Variants in FANCC observed in about 807,000 individuals in gnomAD.
The protein encoded by FANCC is FA complementation group C.
Under a neutral mutation model 71.3 loss-of-function variants are expected in FANCC, and 55 were observed. That is an observed-to-expected ratio of 0.77 (90% confidence interval 0.62 to 0.97). FANCC has a LOEUF of 0.97. Among genes scored for constraint, FANCC ranks in the 50% least tolerant of loss-of-function variants. The pLI is 0.00. For missense variants in FANCC, 678 were observed against 670.9 expected (o/e 1.01, Z -0.12); for synonymous variants, 275 against 244.9 (o/e 1.12, Z -1.15).
At chr9:95,135,894 T>C (rs1015623660) in intron 7 of FANCC, among the ~76,000 whole-genome samples, 2 of 152,188 alleles carry the variant, frequency 1.3e-5, no homozygotes, top group Non-Finnish European at 2.9e-5. Context: ...GATGCGGACC[T>C]GGGTTTCGGT....
At chr9:95,142,670 A>G (rs922139682) in intron 7 of FANCC, 6 of 152,210 alleles carry the variant, frequency 3.9e-5, no homozygotes, top group Admixed American at 1.3e-4. Context: ...TTATCCCACT[A>G]TACTTATAAA....
At chr9:95,173,640 G>C (rs538214181) in intron 4 of FANCC, among the ~76,000 whole-genome samples, 7 of 152,306 alleles carry the variant, frequency 4.6e-5, no homozygotes, top group African/African-American at 1.7e-4. Flanking sequence ...AAGGGGCCAG[G>C]CACGGTGGCT....
chr9:95,284,365 C>T (rs575327812), intron 1 of FANCC, among the ~76,000 whole-genome samples: 194 of 152,268 alleles, frequency 1.3e-3, no homozygotes, highest in African/African-American at 4.5e-3. Context: ...ATGGATAAGA[C>T]AGTTTGGTCG....
At chr9:95,201,815 T>A (rs997708646) in intron 4 of FANCC, among the ~76,000 whole-genome samples, 5 of 152,230 alleles carry the variant, frequency 3.3e-5, no homozygotes. Context: ...GCCACCTACT[T>A]AGATAGCTGT....
At chr9:95,221,877 T>C (rs748408079) in intron 4 of FANCC, among the ~76,000 whole-genome samples, 54 of 152,138 alleles carry the variant, frequency 3.5e-4, no homozygotes, top group African/African-American at 5.3e-4. Context: ...TTGGTGAACA[T>C]GTACAGCTAC....
chr9:95,181,642 A>G (rs1826374537), intron 4 of FANCC, among the ~76,000 whole-genome samples: 1 of 152,222 alleles, frequency 6.6e-6, no homozygotes, highest in South Asian at 2.1e-4. Context: ...GTATTTAAGA[A>G]AAGGATGTGG....
chr9:95,168,429 T>G (rs1449413323), intron 6 of FANCC, among the ~76,000 whole-genome samples: 1 of 152,254 alleles, frequency 6.6e-6, no homozygotes, highest in Non-Finnish European at 1.5e-5. Context: ...GTAGTCTTCC[T>G]TTATCTGCAG....
At position 95,225,195 on chromosome 9, in the gene FANCC, G is replaced by C. The variant is rs567628929; in HGVS notation, c.345+15454C>G. 4.1e-4 allele frequency among the ~76,000 whole-genome samples: 62 copies of C among 152,278 alleles called. 1 individual carries two copies. The South Asian group carries it at 0.013, about 32-fold the overall frequency. ...CACTGAACTTCAAAACAGATGTAGC[G>C]ATCAGGCAGCCACGTGTAGTGCAGA... On this transcript the variant is annotated intron_variant, in intron 4 of 14. Transcript: ENST00000289081.
intron 1 of FANCC, among the ~76,000 whole-genome samples, chr9:95,284,524 G>A (rs1327527957): frequency 6.6e-6 from 1 of 152,142 alleles, no homozygotes; most frequent in Non-Finnish European, 1.5e-5. Flanking sequence ...TTGAGAGCAA[G>A]ACTCAAATTT....
chr9:95,303,614 T>C (rs901901102), intron 1 of FANCC, among the ~76,000 whole-genome samples: 1 of 152,240 alleles, frequency 6.6e-6, no homozygotes, highest in African/African-American at 2.4e-5. Flanking sequence ...CTGGCTTGTA[T>C]GTAGGCAGCC....
chr9:95,244,848 T>C (rs1830863815), intron 3 of FANCC, among the ~76,000 whole-genome samples: 1 of 152,018 alleles, frequency 6.6e-6, no homozygotes, highest in African/African-American at 2.4e-5. Flanking sequence ...AGGTGGACTT[T>C]AAAGTCACAT....
At chr9:95,148,278 T>C (rs931596696) in intron 7 of FANCC, among the ~76,000 whole-genome samples, 2 of 152,178 alleles carry the variant, frequency 1.3e-5, no homozygotes, top group Non-Finnish European at 2.9e-5. Context: ...AAAAAGACGG[T>C]TGCCTGGAGA....
chr9:95,109,535 C>T (rs948890631), intron 13 of FANCC: 6 of 151,196 alleles, frequency 4.0e-5, no homozygotes, highest in African/African-American at 1.2e-4. Flanking sequence ...TTGTTGTGAT[C>T]TGATTCAGTT....
intron 14 of FANCC, 73 bp from the exon 15 acceptor site, chr9:95,101,923 C>G: frequency 6.5e-7 from 1 of 1,546,014 alleles, no homozygotes; most frequent in South Asian, 1.1e-5. Context: ...CAGGGACGGA[C>G]CATAACCACC....
At position 95,117,705 on chromosome 9, in the gene FANCC, G is replaced by A. The variant is rs118086816; in HGVS notation, c.997-315C>T. On this transcript the variant is annotated intron_variant, in intron 10 of 14. Coordinates refer to ENST00000289081, the MANE Select transcript of FANCC (RefSeq NM_000136.3). ...GAAAGACTTGCCAAAGCCGTTGTGA[G>A]ATGTTAGGTATTTCAGCATTTTTTT... 2.6e-3 allele frequency among the ~76,000 whole-genome samples: 384 copies of A among 150,566 alleles called. 1 individual carries two copies. The highest frequency in any genetic ancestry group is 3.8e-3 in the Non-Finnish European group (258 of 67,852).
At chr9:95,203,989 A>C (rs970211988) in intron 4 of FANCC, among the ~76,000 whole-genome samples, 11 of 152,204 alleles carry the variant, frequency 7.2e-5, no homozygotes, top group Non-Finnish European at 1.5e-4. Context: ...CAGAGCTGTT[A>C]ATCTATAACA....
At chr9:95,195,281 A>G (rs1827382983) in intron 4 of FANCC, among the ~76,000 whole-genome samples, 1 of 127,960 alleles carries the variant, frequency 7.8e-6, no homozygotes, top group Non-Finnish European at 1.6e-5. Flanking sequence ...ATAGTTTTAC[A>G]TTTTACATTT....
intron 1 of FANCC, among the ~76,000 whole-genome samples, chr9:95,310,838 G>A (rs1835352209): frequency 6.6e-6 from 1 of 152,170 alleles, no homozygotes; most frequent in Non-Finnish European, 1.5e-5. Context: ...ATACCCTGAA[G>A]AAGTTGGCTA....
chr9:95,309,472 C>A (rs917262178), intron 1 of FANCC, among the ~76,000 whole-genome samples: 5 of 152,128 alleles, frequency 3.3e-5, no homozygotes, highest in African/African-American at 1.2e-4. Context: ...GGTAGATAGG[C>A]TAAGTAATCG....
Sources: gnomAD v4.1 joint callset for allele counts (sites outside exome capture counted in the v4.1 genomes callset) on GRCh38, gnomAD v4.1.1 for gene constraint, MANE v1.5 for transcripts, NCBI Gene and HGNC (gene_info 2026-07-23, HGNC 2026-07-21) for gene names.